Variants in KRT2 observed in about 807,000 individuals in gnomAD.
KRT2 encodes the protein keratin, type II cytoskeletal 2 epidermal.
In KRT2, 37 loss-of-function variants were observed where a neutral mutation model predicts 48.5. The ratio of observed to expected loss-of-function variants is 0.76; its 90% CI spans 0.59 to 1.00. The LOEUF (loss-of-function observed/expected upper bound fraction) is 1.00. KRT2 is among the 50% of genes least tolerant of loss of function. The probability of loss-of-function intolerance (pLI) is 0.00; values close to 1 mark genes in which losing one functional copy is unlikely to be tolerated. For synonymous variants in KRT2, 324 were observed against 312.2 expected (o/e 1.04, Z -0.40); for missense variants, 880 against 815.2 (o/e 1.08, Z -0.97).
Position 52,652,117 on chromosome 12 carries a change from G to C in KRT2, c.26C>G (p.Ser9Cys). Residue 9 changes from serine to cysteine, a missense_variant, in exon 1 of 9, where the codon TCT becomes TGT. Ser to Cys is a moderately radical substitution (Grantham distance 112). Coordinates refer to ENST00000309680, the MANE Select transcript of KRT2 (RefSeq NM_000423.3). ...TCCTCCACCTCCTCCTCTTCCTCGA[G>C]ATTTGCAAGAGATCTGACAACTCAT... is the stretch of plus-strand genomic sequence containing the variant. MSCQISCK[S>C]RGRGGGGGGF... 1.3e-6 allele frequency: 2 copies of C among 1,559,452 alleles called. No homozygotes were observed. Among genetic ancestry groups the C allele is most frequent in the Non-Finnish European group, 1.7e-6 (2 of 1,158,194 alleles).
At chr12:52,646,041 C>G (rs1480019658) in intron 7 of KRT2, among the ~76,000 whole-genome samples, 1 of 152,178 alleles carries the variant, frequency 6.6e-6, no homozygotes, top group Non-Finnish European at 1.5e-5. Context: ...TTTCCCACTT[C>G]CTCTTACAAG....
In KRT2 at chr12:52,652,011, G is replaced by T. The variant is rs372684240; in HGVS notation, c.132C>A (p.Ser44Arg). 6.2e-7 allele frequency: 1 copy of T among 1,610,722 alleles called. No homozygotes were observed. Among genetic ancestry groups the T allele is most frequent in the Non-Finnish European group, 8.5e-7 (1 of 1,179,906 alleles). ...AGCCCCCGCCACCACCACCATGGCG[G>T]CTCAAGCAGGAGAAGCTGGAAGTTG... ...RRSTSSFSCL[S>R]RHGGGGGGFG... is the part of the protein sequence containing the mutation. Residue 44 changes from serine (S) to arginine (R), a missense_variant, in exon 1 of 9, where the codon AGC becomes AGA. Physicochemically the swap from Ser to Arg is moderately radical, Grantham distance 110 (BLOSUM62 -1). Coordinates refer to ENST00000309680, the MANE Select transcript of KRT2 (RefSeq NM_000423.3).
intron 7 of KRT2, 98 bp downstream of exon 7, chr12:52,646,642 C>T (rs1024268499): frequency 1.5e-6 from 2 of 1,344,004 alleles, no homozygotes; most frequent in Non-Finnish European, 2.1e-6. Context: ...GGAGGGCCTG[C>T]CCCATTCTCT....
Position 52,646,773 on chromosome 12 carries a change from G to A in KRT2, c.1436C>T (p.Thr479Ile), listed in dbSNP as rs531605557. Residue 479 changes from threonine (T) to isoleucine (I), a missense_variant, in exon 7 of 9, where the codon ACC becomes ATC. By Grantham distance (89) the Thr-to-Ile change is moderately conservative. Coordinates refer to ENST00000309680, the MANE Select transcript of KRT2 (RefSeq NM_000423.3). ...CTCGCCCTCCAGCAGTTTGCGGTAG[G>A]TGGCGATCTCCACATCTAGGGCCAG... ...VKLALDVEIA[T>I]YRKLLEGEEC... 6.2e-7 allele frequency: 1 copy of A among 1,614,054 alleles called. No individual in the cohort carries two copies. The highest frequency in any genetic ancestry group is 1.3e-5 in the African/African-American group (1 of 75,000).
At chr12:52,649,413 G>T (rs1384310500) in intron 3 of KRT2, among the ~76,000 whole-genome samples, 1 of 152,126 alleles carries the variant, frequency 6.6e-6, no homozygotes, top group East Asian at 1.9e-4. Flanking sequence ...GATGTTCTTT[G>T]TGGGTTTCCA....
In KRT2 at chr12:52,644,982, C is replaced by T. The variant is rs762989316; in HGVS notation, c.*37G>A. 6.2e-7 allele frequency: 1 copy of T among 1,612,270 alleles called. No individual in the cohort carries two copies. The highest frequency in any genetic ancestry group is 1.1e-5 in the South Asian group (1 of 91,016). On this transcript the variant is annotated 3_prime_UTR_variant, in exon 9 of 9. Transcript: ENST00000309680. Reference sequence around the variant, plus strand: ...CTTCTACATTCTGGAGTGGGAGAGTCTGGGTTGGGAGAGTCGGTGGTGGTG... The same window carrying T: ...CTTCTACATTCTGGAGTGGGAGAGTTTGGGTTGGGAGAGTCGGTGGTGGTG...
At chr12:52,649,506 C>T (rs1941217653) in intron 3 of KRT2, among the ~76,000 whole-genome samples, 1 of 152,196 alleles carries the variant, frequency 6.6e-6, no homozygotes. Context: ...CCTGCAGGAC[C>T]CAGCAGGAGA....
At position 52,648,167 on chromosome 12, in the gene KRT2, A is replaced by G. The variant is rs758628624; in HGVS notation, c.1122+6T>C. ...CTGTGGCTCTTCCTACATTCCCTCT[A>G]CTTGCCTTGCTGTGGTACAGGGCCT... On this transcript the variant is annotated splice_donor_region_variant and intron_variant, in intron 5 of 8. Transcript: ENST00000309680. 1.9e-6 allele frequency: 3 copies of G among 1,613,914 alleles called. No individual in the cohort carries two copies. Among genetic ancestry groups the G allele is most frequent in the East Asian group, 2.2e-5 (1 of 44,858 alleles).
At chr12:52,648,406 T>G (rs1486373207) in intron 4 of KRT2, 69 bp from the exon 5 acceptor site, 1 of 1,356,746 alleles carries the variant, frequency 7.4e-7, no homozygotes, top group African/African-American at 1.4e-5. Context: ...GGCCTCTGTC[T>G]CCCAGCATAA....
chr12:52,647,020 G>A lies in KRT2; in HGVS notation c.1249-60C>T, dbSNP rs962567114. 46 of 1,512,022 alleles carry A rather than the reference G, an allele frequency of 3.0e-5. No homozygotes were observed. The South Asian group carries it at 5.2e-4, about 17-fold the overall frequency. The allele number at this position is 1,512,022 out of a possible 1,614,324, so 93.7% of individuals were successfully genotyped here. ...ACGGAGGCGGACAGAGAGCAGAGGT[G>A]TTCGAAGTGCAGGAAGCCAGAACCA... is the stretch of plus-strand genomic sequence containing the variant. On this transcript the variant is annotated intron_variant, in intron 6 of 8. Transcript: ENST00000309680.
chr12:52,648,117 G>A, intron 5 of KRT2, 56 bp downstream of exon 5: 1 of 1,566,592 alleles, frequency 6.4e-7, no homozygotes, highest in East Asian at 2.2e-5. Context: ...CCAGCTGGGG[G>A]TGCAACCCAG....
chr12:52,647,074 G>T, intron 6 of KRT2, 114 bp from the exon 7 acceptor site: 1 of 938,542 alleles, frequency 1.1e-6, no homozygotes, highest in South Asian at 1.3e-5. Context: ...GGTCCCCTCT[G>T]GAGTTTAGTC....
At position 52,647,757 on chromosome 12, in the gene KRT2, C is replaced by T. The variant is rs758358824; in HGVS notation, c.1221G>A (p.Gln407=). ...GCTTCTTCACATGTGCGATCTCCCC[C>T]TGCAGCCTCTGGATCACGCGGTTCA... is the stretch of plus-strand genomic sequence containing the variant. ...SELNRVIQRL[Q]GEIAHVKKQC... Residue 407 remains glutamine, a synonymous_variant, in exon 6 of 9, where the codon CAG becomes CAA. Coordinates refer to ENST00000309680, the MANE Select transcript of KRT2 (RefSeq NM_000423.3). The T allele has an allele frequency of 5.0e-6, 8 of 1,614,014 alleles. No individual in the cohort carries two copies. The South Asian group carries it at 6.6e-5, about 13-fold the overall frequency.
chr12:52,650,476 G>A lies in KRT2; in HGVS notation c.663C>T (p.Arg221=). The change falls in exon 2 of 9, where the codon CGC becomes CGT. Residue 221 remains arginine, a synonymous_variant. Coordinates refer to ENST00000309680, the MANE Select transcript of KRT2 (RefSeq NM_000423.3). ...GGAAGATGGGCTCCAGGTTGATGGGGCGGGTGCCAACATTCATTTGTTGTA... is the reference window on the plus strand; with the variant it reads ...GGAAGATGGGCTCCAGGTTGATGGGACGGGTGCCAACATTCATTTGTTGTA... ...ELLQQMNVGT[R]PINLEPIFQG... The A allele has an allele frequency of 1.2e-6, 2 of 1,613,966 alleles. No homozygotes were observed. Among genetic ancestry groups the A allele is most frequent in the Non-Finnish European group, 1.7e-6 (2 of 1,180,028 alleles).
intron 1 of KRT2, 82 bp downstream of exon 1, chr12:52,651,475 CA>C: frequency 9.0e-7 from 1 of 1,114,396 alleles, no homozygotes; most frequent in Non-Finnish European, 1.4e-6. Flanking sequence ...CTAAGAAATA[CA>C]AATCTGTGCC....
In KRT2 at chr12:52,644,970, G is replaced by A. The variant is rs1405466562; in HGVS notation, c.*49C>T. On this transcript the variant is annotated 3_prime_UTR_variant, in exon 9 of 9. Coordinates refer to ENST00000309680, the MANE Select transcript of KRT2 (RefSeq NM_000423.3). ...TACAGAGACAGGCTTCTACATTCTGGAGTGGGAGAGTCTGGGTTGGGAGAG... is the reference window on the plus strand; with the variant it reads ...TACAGAGACAGGCTTCTACATTCTGAAGTGGGAGAGTCTGGGTTGGGAGAG... 1.2e-6 allele frequency: 2 copies of A among 1,601,812 alleles called. No homozygotes were observed. The highest frequency in any genetic ancestry group is 2.2e-5 in the East Asian group (1 of 44,848).
chr12:52,651,534 G>T (rs1394269625), intron 1 of KRT2, 24 bp downstream of exon 1: 2 of 1,542,922 alleles, frequency 1.3e-6, no homozygotes, highest in African/African-American at 1.4e-5. Context: ...GAGCATCAGT[G>T]GGAGCCGTCT....
rs1406812274 is a variant in KRT2, at chr12:52,652,110, T to A, written c.33A>T (p.Gly11=). 1.9e-6 allele frequency: 3 copies of A among 1,568,562 alleles called. No homozygotes were observed. The African/African-American group carries it at 4.0e-5, about 21-fold the overall frequency. The change falls in exon 1 of 9, where the codon GGA becomes GGT. Residue 11 remains glycine (G), a synonymous_variant. Coordinates refer to ENST00000309680, the MANE Select transcript of KRT2 (RefSeq NM_000423.3). MSCQISCKSR[G]RGGGGGGFRG... is the part of the protein sequence containing the mutation. Reference sequence around the variant, plus strand: ...GGAATCCTCCTCCACCTCCTCCTCTTCCTCGAGATTTGCAAGAGATCTGAC... The same window carrying A: ...GGAATCCTCCTCCACCTCCTCCTCTACCTCGAGATTTGCAAGAGATCTGAC...
chr12:52,650,249 T>A, intron 2 of KRT2, 90 bp downstream of exon 2: 2 of 1,120,226 alleles, frequency 1.8e-6, no homozygotes, highest in Non-Finnish European at 2.7e-6. Context: ...CCACCACAAA[T>A]GCAACTGGGA....
Sources: gnomAD v4.1 joint callset for allele counts (sites outside exome capture counted in the v4.1 genomes callset) on GRCh38, gnomAD v4.1.1 for gene constraint, MANE v1.5 for transcripts, NCBI Gene and HGNC (gene_info 2026-07-23, HGNC 2026-07-21) for gene names.